The following NFE2L2 variants were observed in gnomAD, a reference collection of about 807,000 sequenced individuals.
NFE2L2 encodes NFE2 like bZIP transcription factor 2, also known as nuclear factor erythroid 2-related factor 2.
In NFE2L2, 20 loss-of-function variants were observed where a neutral mutation model predicts 49.6. The observed-to-expected ratio is 0.40, with a 90% CI of 0.28 to 0.59. The LOEUF is 0.59. Ranked by LOEUF, NFE2L2 falls within the 20% of genes least tolerant of loss-of-function variation. The pLI, the probability that NFE2L2 is intolerant of heterozygous loss-of-function variation, is 0.40. For missense variants in NFE2L2, 578 were observed against 714.2 expected (o/e 0.81, Z 2.17); for synonymous variants, 244 against 256.5 (o/e 0.95, Z 0.47).
chr2:177,246,599 C>CTTT (rs375027598), intron 1 of NFE2L2, among the ~76,000 whole-genome samples: 2 of 141,440 alleles, frequency 1.4e-5, no homozygotes, highest in South Asian at 2.3e-4. Flanking sequence ...GTCCCTTTTT[C>CTTT]TTTTTTTTCT....
At chr2:177,233,883 T>C (rs1689648728) in intron 2 of NFE2L2, 122 bp downstream of exon 2, 2 of 1,331,056 alleles carry the variant, frequency 1.5e-6, no homozygotes, top group Admixed American at 2.5e-5. Flanking sequence ...GGTTGGAAAG[T>C]AGATTTGACA....
chr2:177,264,479 T>C, intron 1 of NFE2L2, 53 bp downstream of exon 1: 5 of 1,501,602 alleles, frequency 3.3e-6, no homozygotes, highest in East Asian at 2.7e-5. Flanking sequence ...GTTCCCTAGC[T>C]CCCCCGCCCC....
chr2:177,264,403 G>T, intron 1 of NFE2L2, 129 bp downstream of exon 1: 1 of 965,014 alleles, frequency 1.0e-6, no homozygotes, highest in Non-Finnish European at 1.4e-6. Flanking sequence ...GCTCTACCCA[G>T]CGCCGCGGTC....
At chr2:177,252,347 G>A (rs190952229) in intron 1 of NFE2L2, among the ~76,000 whole-genome samples, 210 of 152,300 alleles carry the variant, frequency 1.4e-3, no homozygotes, top group African/African-American at 4.8e-3. Context: ...ACGGACTGCA[G>A]CTGTTGTTAA....
chr2:177,240,212 A>C (rs1039437113), intron 1 of NFE2L2, among the ~76,000 whole-genome samples: 1 of 152,218 alleles, frequency 6.6e-6, no homozygotes, highest in African/African-American at 2.4e-5. Flanking sequence ...GTGCCTAAGG[A>C]AGAACTAAAA....
intron 1 of NFE2L2, among the ~76,000 whole-genome samples, chr2:177,238,126 G>T (rs1689817756): frequency 6.6e-6 from 1 of 152,226 alleles, no homozygotes; most frequent in Admixed American, 6.5e-5. Context: ...ACTTGTCCCT[G>T]TACGTGGGGA....
chr2:177,264,231 C>G, intron 1 of NFE2L2: 1 of 337,750 alleles, frequency 3.0e-6, no homozygotes, highest in Non-Finnish European at 5.4e-6. Flanking sequence ...CTCTCGGGCC[C>G]GGGGACGCGG....
At chr2:177,257,988 C>T (rs116498373) in intron 1 of NFE2L2, among the ~76,000 whole-genome samples, 205 of 152,340 alleles carry the variant, frequency 1.3e-3, no homozygotes, top group Non-Finnish European at 2.3e-3. Flanking sequence ...GGCTCTCAAA[C>T]CTGACTGCTC....
In NFE2L2 at chr2:177,234,214, C is replaced by T. The variant is rs773182418; in HGVS notation, c.103G>A (p.Glu35Lys). 8 of 1,613,768 alleles carry T rather than the reference C, an allele frequency of 5.0e-6. No homozygotes were observed. The highest frequency in any genetic ancestry group is 5.9e-6 in the Non-Finnish European group (7 of 1,179,996). Reference sequence around the variant, plus strand: ...CGTCGCTGACTGAAGTCAAATACTTCTCGACTTACTCCAAGATCTATATCT... The same window carrying T: ...CGTCGCTGACTGAAGTCAAATACTTTTCGACTTACTCCAAGATCTATATCT... ...RQDIDLGVSR[E>K]VFDFSQRRKE... is the part of the protein sequence containing the mutation. The change falls in exon 2 of 5, where the codon GAA becomes AAA. Residue 35 changes from glutamate (E) to lysine (K), a missense_variant. Coordinates refer to ENST00000397062, the MANE Select transcript of NFE2L2 (RefSeq NM_006164.5).
At chr2:177,233,913 C>CAACTCAAATCCAGATAAAA in intron 2 of NFE2L2, 92 bp downstream of exon 2, 1 of 1,511,034 alleles carries the variant, frequency 6.6e-7, no homozygotes, top group Non-Finnish European at 8.9e-7. Flanking sequence ...AAAAGAAAGG[C>CAACTCAAATCCAGATAAAA]AAAGCTGGAA....
rs757703926 is a variant in NFE2L2 at position 177,231,433 on chromosome 2, C to T, written c.1170G>A (p.Gln390=). 42 of 1,614,104 alleles carry T rather than the reference C, an allele frequency of 2.6e-5. No individual in the cohort carries two copies. The Admixed American group carries it at 7.0e-4, about 27-fold the overall frequency. Residue 390 remains glutamine (Q), a synonymous_variant, in exon 5 of 5, where the codon CAG becomes CAA. Transcript: ENST00000397062. ...AATGTACTGGTGTTTTAGGACCATT[C>T]TGTTTGACACTTCCAGGGGCACTAT... is the stretch of plus-strand genomic sequence containing the variant. The part of the protein sequence containing the change: ...ELDSAPGSVK[Q]NGPKTPVHSS...
chr2:177,258,275 T>C (rs1041909710), intron 1 of NFE2L2, among the ~76,000 whole-genome samples: 1 of 152,252 alleles, frequency 6.6e-6, no homozygotes, highest in African/African-American at 2.4e-5. Context: ...TTGATATACG[T>C]TGCAACATTT....
At position 177,230,932 on chromosome 2, in the gene NFE2L2, G is replaced by T; in HGVS notation, c.1671C>A (p.Leu557=). ...DKSLHLLKKQ[L]STLYLEVFSM... is the part of the protein sequence containing the mutation. ...TGAAAACTTCGAGATATAAGGTGCTGAGTTGTTTTTTCAGTAGGTGAAGGC... is the reference window on the plus strand; with the variant it reads ...TGAAAACTTCGAGATATAAGGTGCTTAGTTGTTTTTTCAGTAGGTGAAGGC... The change falls in exon 5 of 5, where the codon CTC becomes CTA. Residue 557 remains leucine, a synonymous_variant. Coordinates refer to ENST00000397062, the MANE Select transcript of NFE2L2 (RefSeq NM_006164.5). The T allele has an allele frequency of 6.2e-7, 1 of 1,613,280 alleles. No individual in the cohort carries two copies. The highest frequency in any genetic ancestry group is 8.5e-7 in the Non-Finnish European group (1 of 1,179,802).
At chr2:177,250,943 G>A (rs888765143) in intron 1 of NFE2L2, among the ~76,000 whole-genome samples, 5 of 152,096 alleles carry the variant, frequency 3.3e-5, no homozygotes, top group Non-Finnish European at 7.4e-5. Context: ...TAAAAATATC[G>A]GACAACCCAA....
intron 1 of NFE2L2, among the ~76,000 whole-genome samples, chr2:177,258,968 T>C (rs1011683522): frequency 6.6e-6 from 1 of 152,214 alleles, no homozygotes; most frequent in Admixed American, 6.5e-5. Flanking sequence ...AGGCTGTTGA[T>C]GGACTGTAAT....
chr2:177,256,008 G>A, intron 1 of NFE2L2: 1 of 154,578 alleles, frequency 6.5e-6, no homozygotes, highest in African/African-American at 2.4e-5. Flanking sequence ...CTTGCCAGAG[G>A]AAGTCACTAC....
intron 1 of NFE2L2, among the ~76,000 whole-genome samples, chr2:177,235,226 G>A (rs571749216): frequency 6.4e-4 from 97 of 151,718 alleles, no homozygotes; most frequent in African/African-American, 1.9e-3. Context: ...AGGAGTTCGC[G>A]ACCAGCCTGG....
At chr2:177,262,095 C>T (rs756972333) in intron 1 of NFE2L2, among the ~76,000 whole-genome samples, 24 of 152,138 alleles carry the variant, frequency 1.6e-4, no homozygotes, top group Non-Finnish European at 2.8e-4. Context: ...ATTTTTAATG[C>T]GTAAAAGACT....
rs143013625 is a variant in NFE2L2, at chr2:177,254,293, T to G, written c.45+10239A>C. Among the ~76,000 whole-genome samples, 943 of 152,328 alleles carry G rather than the reference T, an allele frequency of 6.2e-3. 14 individuals are homozygous for G. The highest frequency in any genetic ancestry group is 0.021 in the African/African-American group (871 of 41,560). ...AAAATATACCCAGACTCTACCTTTG[T>G]GGCACTTTCATTATATTCGATGACC... On this transcript the variant is annotated intron_variant, in intron 1 of 4. Transcript: ENST00000397062.
Sources: gnomAD v4.1 joint callset for allele counts (sites outside exome capture counted in the v4.1 genomes callset) on GRCh38, gnomAD v4.1.1 for gene constraint, MANE v1.5 for transcripts, NCBI Gene and HGNC (gene_info 2026-07-23, HGNC 2026-07-21) for gene names.